Variants in ABCA1 observed in about 807,000 individuals in gnomAD.
ABCA1 encodes ATP binding cassette subfamily A member 1.
ABCA1 carries 133 observed loss-of-function variants against 262.5 expected under a neutral mutation model. That is an observed-to-expected ratio of 0.51 (90% confidence interval 0.44 to 0.59). The LOEUF (loss-of-function observed/expected upper bound fraction) is 0.59, where lower values mean the gene tolerates loss of function less well. ABCA1 is among the 20% of genes least tolerant of loss of function. The probability of loss-of-function intolerance (pLI) is 0.00; values close to 1 mark genes in which losing one functional copy is unlikely to be tolerated. For synonymous variants in ABCA1, 1,022 were observed against 1,043.5 expected, an observed-to-expected ratio of 0.98 and a Z score of 0.40; for missense variants, 2,452 against 2,777.5, an observed-to-expected ratio of 0.88 and a Z score of 2.63.
At position 104,869,075 on chromosome 9, in the gene ABCA1, G is replaced by A. The variant is rs900675234; in HGVS notation, c.422-7275C>T. Among the ~76,000 whole-genome samples the A allele has an allele frequency of 2.0e-5, 3 of 152,012 alleles. No individual in the cohort carries two copies. In the South Asian group the frequency reaches 6.2e-4, roughly 32 times the overall value. ...AGGAGGGAGAGCAGCTCAGGAAGGC[G>A]GAGGAGGAAAGCCCTTTGCTGAGCT... On this transcript the variant is annotated intron_variant, in intron 5 of 49. Coordinates refer to ENST00000374736, the MANE Select transcript of ABCA1 (RefSeq NM_005502.4).
At chr9:104,784,583 C>CTTCT in intron 49 of ABCA1, 128 bp from the exon 50 acceptor site, 1 of 1,117,210 alleles carries the variant, frequency 9.0e-7, no homozygotes, top group South Asian at 1.4e-5. Flanking sequence ...AATGGATTAA[C>CTTCT]TAGAAAACTG....
chr9:104,896,211 A>G (rs1840182600), intron 2 of ABCA1, among the ~76,000 whole-genome samples: 1 of 152,212 alleles, frequency 6.6e-6, no homozygotes, highest in African/African-American at 2.4e-5. Flanking sequence ...TAGCATTGCT[A>G]TTAGTCTCTG....
rs113976928 is a variant in ABCA1 at position 104,833,927 on chromosome 9, A to C, written c.1312-1156T>G. Among the ~76,000 whole-genome samples, 193 of 131,986 alleles carry C rather than the reference A, an allele frequency of 1.5e-3. 11 individuals carry two copies. The highest frequency in any genetic ancestry group is 4.9e-3 in the African/African-American group (183 of 37,362). 86.6% of individuals were successfully genotyped at this position (131,986 alleles called of 152,430 possible). ...AGGCCTGCACAGATGTGCTGCCGGA[A>C]AAACAGCAGCTGCAAACTCAGCAAA... On this transcript the variant is annotated intron_variant, in intron 11 of 49. Coordinates refer to ENST00000374736, the MANE Select transcript of ABCA1 (RefSeq NM_005502.4).
At chr9:104,797,643 G>A (rs1269343632) in intron 37 of ABCA1, among the ~76,000 whole-genome samples, 2 of 152,196 alleles carry the variant, frequency 1.3e-5, no homozygotes, top group African/African-American at 4.8e-5. Flanking sequence ...AGTCTAAGGG[G>A]CTTGGTATAA....
rs1048948162 is a variant in ABCA1, at chr9:104,817,846, G to A, written c.3463-442C>T. Among the ~76,000 whole-genome samples, 2 of 152,234 alleles carry A rather than the reference G, an allele frequency of 1.3e-5. No individual in the cohort carries two copies. Among genetic ancestry groups the A allele is most frequent in the Non-Finnish European group, 2.9e-5 (2 of 68,044 alleles). ...CTGAATTTCTAACAAGTTCCCAAGT[G>A]ATCCTGATGCTGCTGGTCCTCAGAC... On this transcript the variant is annotated intron_variant, in intron 23 of 49. Transcript: ENST00000374736. The surrounding 1 kb of genome is among the most constrained non-coding windows in gnomAD (Gnocchi z 4.7).
Position 104,814,163 on chromosome 9 carries a change from T to A in ABCA1, c.3856A>T (p.Thr1286Ser). 1 of 1,614,248 alleles carries A rather than the reference T, an allele frequency of 6.2e-7. No individual in the cohort carries two copies. Residue 1286 changes from threonine to serine, a missense_variant, in exon 27 of 50, where the codon ACT becomes TCT. Coordinates refer to ENST00000374736, the MANE Select transcript of ABCA1 (RefSeq NM_005502.4). ...GDKQSCLRPF[T>S]EDDAADPNDS... Reference sequence around the variant, plus strand: ...TTTGGATCAGCAGCATCATCTTCAGTGAACGGGCGAAGACAGCTCTGCTTG... The same window carrying A: ...TTTGGATCAGCAGCATCATCTTCAGAGAACGGGCGAAGACAGCTCTGCTTG...
In ABCA1 at chr9:104,872,418, A is replaced by G. The variant is rs1431875930; in HGVS notation, c.422-10618T>C. ...ATGCTTCCTAATGTTGGAATAAGCA[A>G]CATGGCAGCATAGTGTGGGGAGAAA... On this transcript the variant is annotated intron_variant, in intron 5 of 49. Coordinates refer to ENST00000374736, the MANE Select transcript of ABCA1 (RefSeq NM_005502.4). 2.0e-5 allele frequency among the ~76,000 whole-genome samples: 3 copies of G among 152,202 alleles called. No homozygotes were observed. The East Asian group carries it at 5.8e-4, about 29-fold the overall frequency.
intron 1 of ABCA1, among the ~76,000 whole-genome samples, chr9:104,918,840 A>G (rs1191155169): frequency 6.6e-6 from 1 of 152,146 alleles, no homozygotes; most frequent in East Asian, 1.9e-4. Context: ...TGTATCACCT[A>G]AATACCAGAT....
chr9:104,808,121 C>T (rs1934021501), intron 30 of ABCA1, among the ~76,000 whole-genome samples: 1 of 151,184 alleles, frequency 6.6e-6, no homozygotes, highest in African/African-American at 2.5e-5. Flanking sequence ...TCAGGTCCAC[C>T]ATTTTTTTGC....
chr9:104,825,423 C>G (rs1832732045), intron 17 of ABCA1, among the ~76,000 whole-genome samples: 2 of 152,178 alleles, frequency 1.3e-5, no homozygotes, highest in African/African-American at 4.8e-5. Context: ...TTCAGAGTAG[C>G]CTTGTGAGAA....
intron 7 of ABCA1, among the ~76,000 whole-genome samples, chr9:104,846,456 T>C (rs978113761): frequency 6.6e-6 from 1 of 152,246 alleles, no homozygotes; most frequent in Admixed American, 6.5e-5. Flanking sequence ...TAGAGAAGGT[T>C]GGGCTATTTT....
intron 5 of ABCA1, among the ~76,000 whole-genome samples, chr9:104,870,596 G>A (rs1837514209): frequency 6.6e-6 from 1 of 150,814 alleles, no homozygotes; most frequent in Admixed American, 6.6e-5. Flanking sequence ...GGGCCTTTAA[G>A]GGGTGATTAA....
intron 10 of ABCA1, 132 bp from the exon 11 acceptor site, chr9:104,837,228 C>T: frequency 9.5e-7 from 1 of 1,047,246 alleles, no homozygotes; most frequent in Non-Finnish European, 1.4e-6. Flanking sequence ...CCAAGAAATG[C>T]CTGCTTGTAA....
At chr9:104,853,023 G>A (rs1835513642) in intron 7 of ABCA1, among the ~76,000 whole-genome samples, 1 of 152,156 alleles carries the variant, frequency 6.6e-6, no homozygotes, top group Non-Finnish European at 1.5e-5. Context: ...GGATGACTTT[G>A]TTCACTCCTT....
At position 104,794,543 on chromosome 9, in the gene ABCA1, G is replaced by A. The variant is rs573890374; in HGVS notation, c.5383-33C>T. On this transcript the variant is annotated intron_variant, in intron 39 of 49. Coordinates refer to ENST00000374736, the MANE Select transcript of ABCA1 (RefSeq NM_005502.4). The stretch of plus-strand genomic sequence containing the variant: ...AAAAAAAAAAAAATGGGAGGGAAGG[G>A]AGGGTGAGGGAGAAGAAACGGGTGT... 1.9e-6 allele frequency: 3 copies of A among 1,547,156 alleles called. No individual in the cohort carries two copies. In the African/African-American group the frequency reaches 4.1e-5, roughly 21 times the overall value.
rs1024211015 is a variant in ABCA1 at position 104,783,935 on chromosome 9, C to T, written c.*380G>A. The T allele has an allele frequency of 3.2e-5, 6 of 188,798 alleles. No individual in the cohort carries two copies. The highest frequency in any genetic ancestry group is 5.5e-5 in the Admixed American group (1 of 18,132). The allele number at this position is 188,798 out of a possible 1,614,324, so 11.7% of individuals were successfully genotyped here. A position where few individuals can be genotyped will look rare whatever the true frequency, so the allele number is the denominator to read the frequency against. ...TTACCTTTTGATTTTGATCAATAAT[C>T]GCTGGCCATGATTACTTGATGAATT... On this transcript the variant is annotated 3_prime_UTR_variant, in exon 50 of 50. Transcript: ENST00000374736.
chr9:104,816,392 T>C, intron 24 of ABCA1, 47 bp from the exon 25 acceptor site: 1 of 1,584,798 alleles, frequency 6.3e-7, no homozygotes, highest in Non-Finnish European at 8.7e-7. Context: ...TCAGAGGGGC[T>C]TCGGAGTGAG....
intron 39 of ABCA1, among the ~76,000 whole-genome samples, 190 bp from the exon 40 acceptor site, chr9:104,794,700 A>G (rs1459805002): frequency 6.6e-6 from 1 of 152,224 alleles, no homozygotes; most frequent in Non-Finnish European, 1.5e-5. Flanking sequence ...AGCTGATGAT[A>G]TGTAGCAATA....
intron 5 of ABCA1, among the ~76,000 whole-genome samples, chr9:104,874,926 C>T (rs1470281882): frequency 2.6e-5 from 4 of 151,706 alleles, no homozygotes; most frequent in African/African-American, 9.7e-5. Context: ...GGCGCCTCTG[C>T]CCGGCCGCCC....
Sources: gnomAD v4.1 joint callset for allele counts (sites outside exome capture counted in the v4.1 genomes callset) on GRCh38, gnomAD v4.1.1 for gene constraint, Gnocchi (gnomAD v3.1) non-coding constraint, MANE v1.5 for transcripts, NCBI Gene and HGNC (gene_info 2026-07-23, HGNC 2026-07-21) for gene names.